Variants in RGS8 observed in about 807,000 individuals in gnomAD.
RGS8 encodes regulator of G-protein signaling 8.
A neutral mutation model predicts 21.7 loss-of-function variants in RGS8; 8 were observed. The ratio of observed to expected loss-of-function variants is 0.37; its 90% CI spans 0.22 to 0.66. The LOEUF (loss-of-function observed/expected upper bound fraction) is 0.66. Ranked by LOEUF, RGS8 falls within the 30% of genes least tolerant of loss-of-function variation. The probability of loss-of-function intolerance (pLI) is 0.59; values close to 1 mark genes in which losing one functional copy is unlikely to be tolerated. For synonymous variants in RGS8, 80 were observed against 83.6 expected (o/e 0.96, Z 0.24); for missense variants, 157 against 217.9 (o/e 0.72, Z 1.76).
At chr1:182,669,686 T>C in exon 3 of RGS8, 1 of 1,614,152 alleles carries the variant, frequency 6.2e-7, no homozygotes, top group Non-Finnish European at 8.5e-7. Flanking sequence ...TGGGCTGGTA[T>C]GCAGGGACGT....
chr1:182,740,500 T>G, the RGS8 span, among the ~76,000 whole-genome samples: 5 of 151,770 alleles, frequency 3.3e-5, no homozygotes, highest in Non-Finnish European at 7.4e-5. Context: ...GGGTCAGAAT[T>G]TGAACTCATT....
upstream of RGS8, among the ~76,000 whole-genome samples, chr1:182,686,156 C>T (rs1387059383): frequency 6.6e-6 from 1 of 152,098 alleles, no homozygotes; most frequent in Non-Finnish European, 1.5e-5. Flanking sequence ...GGCATGGAGT[C>T]TAGAGGTACC....
At chr1:182,742,204 C>T in the RGS8 span, among the ~76,000 whole-genome samples, 1 of 150,848 alleles carries the variant, frequency 6.6e-6, no homozygotes, top group East Asian at 2.0e-4. Flanking sequence ...AGGCGCTCCT[C>T]ACTTCCTAGA....
intron 5 of RGS8, among the ~76,000 whole-genome samples, chr1:182,659,298 A>AT (rs757564648): frequency 8.5e-5 from 13 of 152,358 alleles, no homozygotes; most frequent in Admixed American, 2.0e-4. Flanking sequence ...TGCAACTATT[A>AT]TAAGAAATCA....
rs542998111 is a variant in RGS8, at chr1:182,664,951, T to A, written c.193+1018A>T. ...CTAAAGACATCCAAGACTGAGAGTT[T>A]CTGTCAAGACCACCCAACTACTTAG... On this transcript the variant is annotated intron_variant, in intron 5 of 6. Coordinates refer to ENST00000483095, the Ensembl canonical transcript of RGS8. 3.3e-5 allele frequency among the ~76,000 whole-genome samples: 5 copies of A among 152,338 alleles called. No individual in the cohort carries two copies. The East Asian group carries it at 9.6e-4, about 29-fold the overall frequency.
intron 5 of RGS8, among the ~76,000 whole-genome samples, chr1:182,648,579 C>T (rs1662819897): frequency 6.7e-6 from 1 of 149,972 alleles, no homozygotes; most frequent in African/African-American, 2.5e-5. Flanking sequence ...ACTAAAAATA[C>T]AAAAAAAATT....
intron 3 of RGS8, among the ~76,000 whole-genome samples, chr1:182,668,393 C>T: frequency 6.6e-6 from 1 of 152,350 alleles, no homozygotes; most frequent in East Asian, 1.9e-4. Context: ...GTCCTTCTGG[C>T]TAGCTTTCTT....
chr1:182,688,579 G>C (rs1260767026), upstream of RGS8, among the ~76,000 whole-genome samples: 3 of 152,212 alleles, frequency 2.0e-5, no homozygotes, highest in African/African-American at 4.8e-5. Flanking sequence ...AAGACCTTGA[G>C]ATGAAAATAT....
At chr1:182,718,033 C>G in the RGS8 span, among the ~76,000 whole-genome samples, 1 of 152,160 alleles carries the variant, frequency 6.6e-6, no homozygotes, top group Non-Finnish European at 1.5e-5. Flanking sequence ...GTCCACGTAG[C>G]TGGAACCTTA....
chr1:182,744,807 C>T, the RGS8 span, among the ~76,000 whole-genome samples: 9 of 152,304 alleles, frequency 5.9e-5, no homozygotes, highest in East Asian at 1.7e-3. Context: ...CTATGCATGT[C>T]TGTATTTACA....
At chr1:182,681,266 A>T (rs1437065734) in intron 1 of RGS8, among the ~76,000 whole-genome samples, 1 of 152,094 alleles carries the variant, frequency 6.6e-6, no homozygotes, top group East Asian at 1.9e-4. Context: ...CCCTGTCACA[A>T]CTGAAATGTG....
intron 5 of RGS8, among the ~76,000 whole-genome samples, chr1:182,660,085 T>G (rs1453275360): frequency 6.6e-6 from 1 of 152,218 alleles, no homozygotes; most frequent in Non-Finnish European, 1.5e-5. Flanking sequence ...TCTCAAAGAA[T>G]TTAATATTAT....
At chr1:182,658,094 C>T (rs1051470448) in intron 5 of RGS8, among the ~76,000 whole-genome samples, 1 of 152,192 alleles carries the variant, frequency 6.6e-6, no homozygotes, top group African/African-American at 2.4e-5. Flanking sequence ...AAGGGAAAGG[C>T]TTGTGTCCAG....
the RGS8 span, among the ~76,000 whole-genome samples, chr1:182,694,906 G>T: frequency 6.6e-6 from 1 of 152,048 alleles, no homozygotes; most frequent in African/African-American, 2.4e-5. Flanking sequence ...GCAGAATGAA[G>T]GATAAGTCTT....
the RGS8 span, among the ~76,000 whole-genome samples, chr1:182,695,235 C>A: frequency 1.5e-3 from 232 of 152,280 alleles, 1 homozygote; most frequent in African/African-American, 5.1e-3. Context: ...TTCATATTGA[C>A]TCTGGAAACC....
chr1:182,698,543 CT>C, the RGS8 span, among the ~76,000 whole-genome samples: 155 of 152,280 alleles, frequency 1.0e-3, no homozygotes, highest in African/African-American at 3.6e-3. Context: ...GAAGAGTCTC[CT>C]TTCTCTGGAA....
the RGS8 span, among the ~76,000 whole-genome samples, chr1:182,747,974 A>T: frequency 1.6e-4 from 23 of 146,892 alleles, no homozygotes; most frequent in African/African-American, 5.8e-4. Flanking sequence ...TGCTTTTTTT[A>T]TTTTTAAAAG....
At chr1:182,751,362 A>T in the RGS8 span, among the ~76,000 whole-genome samples, 1 of 152,228 alleles carries the variant, frequency 6.6e-6, no homozygotes, top group African/African-American at 2.4e-5. Context: ...TCATTAACTC[A>T]TTCATTTATT....
At chr1:182,656,340 C>T (rs1663277904) in intron 5 of RGS8, among the ~76,000 whole-genome samples, 1 of 152,084 alleles carries the variant, frequency 6.6e-6, no homozygotes, top group African/African-American at 2.4e-5. Flanking sequence ...GCAAGTGTAC[C>T]ATTTAGCTCA....
Sources: gnomAD v4.1 joint callset for allele counts (sites outside exome capture counted in the v4.1 genomes callset) on GRCh38, gnomAD v4.1.1 for gene constraint, MANE v1.5 for transcripts, NCBI Gene and HGNC (gene_info 2026-07-23, HGNC 2026-07-21) for gene names.